The following KIF26B variants were observed in gnomAD, a reference collection of about 807,000 sequenced individuals.
The protein encoded by KIF26B is kinesin family member 26B, also known as kinesin-like protein KIF26B.
Under a neutral mutation model 151.2 loss-of-function variants are expected in KIF26B, and 63 were observed. The ratio of observed to expected loss-of-function variants is 0.42; its 90% confidence interval spans 0.34 to 0.51. The LOEUF (loss-of-function observed/expected upper bound fraction) is 0.51, where lower values mean the gene tolerates loss of function less well. KIF26B is among the 20% of genes least tolerant of loss of function. KIF26B has a pLI of 0.07. For synonymous variants in KIF26B, 1,357 were observed against 1,262.1 expected (o/e 1.08, Z -1.59); for missense variants, 2,813 against 2,913.6 (o/e 0.97, Z 0.79).
At position 245,606,561 on chromosome 1, in the gene KIF26B, G is replaced by T. The variant is rs1408224678; in HGVS notation, c.1558-1090G>T. On this transcript the variant is annotated intron_variant, in intron 6 of 14. Coordinates refer to ENST00000407071, the MANE Select transcript of KIF26B (RefSeq NM_018012.4). The surrounding 1 kb of genome is among the most constrained non-coding windows in gnomAD (Gnocchi z 4.6). ...GTTAGTCCACAAAACCGACAGCTCTGATGGCTCGCAGAGCTCTGTATTAGC... is the reference window on the plus strand; with the variant it reads ...GTTAGTCCACAAAACCGACAGCTCTTATGGCTCGCAGAGCTCTGTATTAGC... Among the ~76,000 whole-genome samples the T allele has an allele frequency of 6.6e-6, 1 of 152,212 alleles. No homozygotes were observed. Among genetic ancestry groups the T allele is most frequent in the African/African-American group, 2.4e-5 (1 of 41,450 alleles).
chr1:245,694,725 T>A lies in KIF26B; in HGVS notation c.5825-3381T>A, dbSNP rs1292672333. Among the ~76,000 whole-genome samples, 5 of 152,304 alleles carry A rather than the reference T, an allele frequency of 3.3e-5. No individual in the cohort carries two copies. In the East Asian group the frequency reaches 9.7e-4, roughly 29 times the overall value. On this transcript the variant is annotated intron_variant, in intron 12 of 14. Transcript: ENST00000407071. ...GAACAGGAGGGGCGAGGGGGTGGGC[T>A]CAGCCTCTGTTAGTGGGAGAGGTCC...
intron 2 of KIF26B, among the ~76,000 whole-genome samples, chr1:245,191,621 T>C (rs976239898): frequency 6.6e-6 from 1 of 152,206 alleles, no homozygotes; most frequent in Non-Finnish European, 1.5e-5. Flanking sequence ...TTAAACTCTG[T>C]ATATCAGAAA....
At position 245,686,861 on chromosome 1, in the gene KIF26B, A is replaced by C. The variant is rs746363881; in HGVS notation, c.3878A>C (p.Gln1293Pro). The change falls in exon 12 of 15, where the codon CAG becomes CCG. Residue 1293 changes from glutamine to proline, a missense_variant. Coordinates refer to ENST00000407071, the MANE Select transcript of KIF26B (RefSeq NM_018012.4). The surrounding 1 kb of genome is among the most constrained non-coding windows in gnomAD (Gnocchi z 5.6). The stretch of plus-strand genomic sequence containing the variant: ...ATGAGCGCGGGCAGTGAGGGTGAGC[A>C]GTCGTGCCACAGTTTCATAGCCCAG... ...SEMSAGSEGE[Q>P]SCHSFIAQTC... 6.2e-7 allele frequency: 1 copy of C among 1,613,536 alleles called. No homozygotes were observed. The highest frequency in any genetic ancestry group is 8.5e-7 in the Non-Finnish European group (1 of 1,179,872).
intron 4 of KIF26B, among the ~76,000 whole-genome samples, chr1:245,434,097 T>G (rs1419186959): frequency 1.3e-5 from 2 of 152,192 alleles, no homozygotes; most frequent in African/African-American, 4.8e-5. Flanking sequence ...AGTTTCCATT[T>G]ATTATCATAG....
chr1:245,594,120 C>T (rs1388184510), intron 5 of KIF26B, among the ~76,000 whole-genome samples: 3 of 152,108 alleles, frequency 2.0e-5, no homozygotes, highest in Non-Finnish European at 4.4e-5. Context: ...CTGTAGGTTG[C>T]CTGTTCACTC....
intron 4 of KIF26B, among the ~76,000 whole-genome samples, chr1:245,468,857 G>A (rs1446046212): frequency 6.6e-6 from 1 of 152,136 alleles, no homozygotes; most frequent in East Asian, 1.9e-4. Context: ...GTTAAATTAA[G>A]GGTTCTTGCA....
intron 4 of KIF26B, among the ~76,000 whole-genome samples, chr1:245,498,311 G>T (rs1231715392): frequency 6.6e-6 from 1 of 152,176 alleles, no homozygotes; most frequent in Non-Finnish European, 1.5e-5. Flanking sequence ...AAGTCAGCCT[G>T]GATGTGAAGT....
chr1:245,464,310 T>C (rs1360328860), intron 4 of KIF26B, among the ~76,000 whole-genome samples: 1 of 152,104 alleles, frequency 6.6e-6, no homozygotes, highest in East Asian at 1.9e-4. Context: ...ACCTAGGTAA[T>C]GTGTGTCCCG....
chr1:245,501,064 C>T (rs977776596), intron 4 of KIF26B, among the ~76,000 whole-genome samples: 8 of 152,174 alleles, frequency 5.3e-5, no homozygotes, highest in African/African-American at 1.4e-4. Flanking sequence ...TGATTTTAAA[C>T]ATTCTGGCCA....
At chr1:245,497,641 A>C (rs939783773) in intron 4 of KIF26B, among the ~76,000 whole-genome samples, 4 of 152,228 alleles carry the variant, frequency 2.6e-5, no homozygotes, top group African/African-American at 9.6e-5. Context: ...CTCACCCCTG[A>C]AGTGTGTATT....
intron 9 of KIF26B, among the ~76,000 whole-genome samples, chr1:245,640,143 C>CTCTCTCTCTCTATATATATA: frequency 9.4e-5 from 3 of 31,924 alleles, no homozygotes; most frequent in African/African-American, 1.4e-4. Flanking sequence ...CTCTCTCTCT[C>CTCTCTCTCTCTATATATATA]TATATATATA....
At chr1:245,649,726 CT>C (rs2043994419) in intron 10 of KIF26B, among the ~76,000 whole-genome samples, 1 of 150,904 alleles carries the variant, frequency 6.6e-6, no homozygotes, top group South Asian at 2.1e-4. Flanking sequence ...CTTCATTTGT[CT>C]CCCCAGACAA....
At chr1:245,386,036 T>C (rs758836596) in intron 3 of KIF26B, among the ~76,000 whole-genome samples, 15 of 151,258 alleles carry the variant, frequency 9.9e-5, no homozygotes, top group Non-Finnish European at 2.1e-4. Context: ...AGGTCAGGAG[T>C]TCAAGACCAC....
rs761493437 is a variant in KIF26B, at chr1:245,602,806, G to C, written c.1557+23G>C. On this transcript the variant is annotated intron_variant, in intron 6 of 14. Transcript: ENST00000407071. The surrounding 1 kb of genome is among the most constrained non-coding windows in gnomAD (Gnocchi z 4.5). ...CAGGTGGGTATCAGCCCCCTCTCAG[G>C]CTCAGGCAACGTTGATGAAAGGGCA... 1.2e-6 allele frequency: 2 copies of C among 1,610,422 alleles called. No individual in the cohort carries two copies. The highest frequency in any genetic ancestry group is 1.1e-5 in the South Asian group (1 of 90,974).
chr1:245,676,774 A>G (rs569918706), intron 10 of KIF26B, among the ~76,000 whole-genome samples: 2 of 152,340 alleles, frequency 1.3e-5, no homozygotes, highest in South Asian at 2.1e-4. Context: ...CTTTCCATCC[A>G]GTATTTTCTG....
chr1:245,488,558 C>A lies in KIF26B; in HGVS notation c.1167-52209C>A, dbSNP rs34135417. On this transcript the variant is annotated intron_variant, in intron 4 of 14. Transcript: ENST00000407071. This position sits in a 1 kb window ranked among gnomAD's most constrained non-coding sequence, Gnocchi z 4.6. ...TGAACTACCCCCTCTGCCTCGGGGA[C>A]AGGCACCTCCTGGTCCACATCCATC... Among the ~76,000 whole-genome samples, 5,047 of 152,230 alleles carry A rather than the reference C, an allele frequency of 0.033. 132 individuals are homozygous for A. Among genetic ancestry groups the A allele is most frequent in the Non-Finnish European group, 0.05 (3,385 of 68,026 alleles).
At chr1:245,353,081 C>T (rs533070877) in intron 2 of KIF26B, among the ~76,000 whole-genome samples, 2 of 152,170 alleles carry the variant, frequency 1.3e-5, no homozygotes, top group Non-Finnish European at 2.9e-5. Flanking sequence ...CTGTATCTTA[C>T]AGGATCTGTT....
chr1:245,355,595 C>CA (rs34799952), intron 2 of KIF26B, among the ~76,000 whole-genome samples: 3,643 of 74,536 alleles, frequency 0.049, 69 homozygotes, highest in African/African-American at 0.067. Flanking sequence ...GACCCTGTCT[C>CA]AAAAAAAAAA....
At position 245,703,397 on chromosome 1, in the gene KIF26B, G is replaced by A. The variant is rs912221757; in HGVS notation, c.*791G>A. On this transcript the variant is annotated 3_prime_UTR_variant, in exon 15 of 15. Transcript: ENST00000407071. ...GTCAGGTAGACCCAGAAGGTTGATT[G>A]TGGGGCAGGTGCTTTAGAGAACAGG... The A allele has an allele frequency of 6.6e-6, 1 of 152,202 alleles. No homozygotes were observed. Among genetic ancestry groups the A allele is most frequent in the Non-Finnish European group, 1.5e-5 (1 of 68,044 alleles). The allele number at this position is 152,202 out of a possible 1,614,324, so 9.4% of individuals were successfully genotyped here.
Sources: gnomAD v4.1 joint callset for allele counts (sites outside exome capture counted in the v4.1 genomes callset) on GRCh38, gnomAD v4.1.1 for gene constraint, Gnocchi (gnomAD v3.1) non-coding constraint, MANE v1.5 for transcripts, NCBI Gene and HGNC (gene_info 2026-07-23, HGNC 2026-07-21) for gene names.